The following C11orf58 variants were observed in gnomAD, a reference collection of about 807,000 sequenced individuals.
C11orf58 encodes chromosome 11 open reading frame 58, also known as small acidic protein.
C11orf58 carries 5 observed loss-of-function variants against 22.7 expected under a neutral mutation model. That is an observed-to-expected ratio of 0.22 (90% CI 0.12 to 0.46). The LOEUF (loss-of-function observed/expected upper bound fraction) is 0.46. Among genes scored for constraint, C11orf58 ranks in the 20% least tolerant of loss-of-function variants. The pLI, the probability that C11orf58 is intolerant of heterozygous loss-of-function variation, is 0.99. For missense variants in C11orf58, 151 were observed against 223.3 expected, an observed-to-expected ratio of 0.68 and a Z score of 2.06; for synonymous variants, 71 against 70.7, an observed-to-expected ratio of 1.00 and a Z score of -0.02.
In C11orf58 at chr11:16,738,695, C is replaced by T. The variant is rs1848416104; in HGVS notation, c.-84C>T. ...CGTTCTGTAGTGGCGCTGCTTGGGC[C>T]CTTGGCGGATTGTAAGCTGCTGGTT... On this transcript the variant is annotated 5_prime_UTR_variant, in exon 1 of 5. Transcript: ENST00000228136. 2.7e-6 allele frequency: 4 copies of T among 1,457,614 alleles called. No homozygotes were observed. Among genetic ancestry groups the T allele is most frequent in the Non-Finnish European group, 3.8e-6 (4 of 1,040,312 alleles). 90.3% of individuals were successfully genotyped at this position (1,457,614 alleles called of 1,614,324 possible).
chr11:16,752,949 T>C (rs1848545417), intron 4 of C11orf58, 55 bp downstream of exon 4: 1 of 1,342,682 alleles, frequency 7.4e-7, no homozygotes, highest in Non-Finnish European at 1.1e-6. Flanking sequence ...TTTGGTACCA[T>C]TTATTGCTGT....
chr11:16,752,826 T>C lies in C11orf58; in HGVS notation c.250T>C (p.Tyr84His). Residue 84 changes from tyrosine (Y) to histidine (H), a missense_variant, in exon 4 of 5, where the codon TAT becomes CAT. This residue lies in a region of C11orf58 where 112 missense variants were observed against 162.6 expected (regional missense o/e 0.69). Transcript: ENST00000228136. ...AATTAATGAAGAACTGGAGTCTCAA[T>C]ATCAGCAAAGTATGGACAGTAAATT... ...KKINEELESQ[Y>H]QQSMDSKLSG... 6.2e-7 allele frequency: 1 copy of C among 1,613,284 alleles called. No homozygotes were observed. Among genetic ancestry groups the C allele is most frequent in the Non-Finnish European group, 8.5e-7 (1 of 1,179,752 alleles).
intron 1 of C11orf58, among the ~76,000 whole-genome samples, chr11:16,742,160 A>T (rs1396374951): frequency 6.6e-6 from 1 of 152,254 alleles, no homozygotes; most frequent in Non-Finnish European, 1.5e-5. Context: ...ATGTTTTTTA[A>T]TAGAAGCAGA....
Position 16,752,864 on chromosome 11 carries a change from T to C in C11orf58, c.288T>C (p.Tyr96=). 1.9e-6 allele frequency: 3 copies of C among 1,611,584 alleles called. No individual in the cohort carries two copies. The highest frequency in any genetic ancestry group is 2.5e-6 in the Non-Finnish European group (3 of 1,179,020). Residue 96 remains tyrosine, a synonymous_variant, in exon 4 of 5, where the codon TAT becomes TAC. Coordinates refer to ENST00000228136, the MANE Select transcript of C11orf58 (RefSeq NM_014267.6). ...QSMDSKLSGR[Y]RRHCGLGFSE... ...TGGACAGTAAATTATCAGGAAGATA[T>C]CGGCGACATTGTGGACTTGGCTTCA...
chr11:16,745,551 AT>A (rs768911254), intron 2 of C11orf58, among the ~76,000 whole-genome samples: 2 of 152,236 alleles, frequency 1.3e-5, no homozygotes, highest in Non-Finnish European at 2.9e-5. Flanking sequence ...GAAGTGGATT[AT>A]CATAAAGGTC....
At position 16,738,793 on chromosome 11, in the gene C11orf58, A is replaced by G; in HGVS notation, c.15A>G (p.Arg5=). 1 of 1,613,768 alleles carries G rather than the reference A, an allele frequency of 6.2e-7. No homozygotes were observed. Among genetic ancestry groups the G allele is most frequent in the Non-Finnish European group, 8.5e-7 (1 of 1,179,932 alleles). MSAA[R]ESHPHGVKRS... is the part of the protein sequence containing the mutation. ...TCCCCGCAAGGATGAGTGCTGCCAG[A>G]GAGTCTCACCCGCATGGGGTGAAGC... Residue 5 remains arginine, a synonymous_variant, in exon 1 of 5, where the codon AGA becomes AGG. Coordinates refer to ENST00000228136, the MANE Select transcript of C11orf58 (RefSeq NM_014267.6).
intron 1 of C11orf58, among the ~76,000 whole-genome samples, chr11:16,741,799 T>C (rs1457342698): frequency 6.6e-6 from 1 of 152,176 alleles, no homozygotes; most frequent in Non-Finnish European, 1.5e-5. Flanking sequence ...TCTGTCATTG[T>C]CTCCCATTAC....
At chr11:16,740,728 T>TA (rs371437582) in intron 1 of C11orf58, among the ~76,000 whole-genome samples, 2 of 146,386 alleles carry the variant, frequency 1.4e-5, no homozygotes, top group Admixed American at 6.8e-5. Flanking sequence ...AGCCAGTACT[T>TA]AAAAAAAAAA....
chr11:16,740,116 G>A (rs1232743144), intron 1 of C11orf58, among the ~76,000 whole-genome samples: 2 of 152,098 alleles, frequency 1.3e-5, no homozygotes, highest in Non-Finnish European at 1.5e-5. Context: ...GGTAATTCAG[G>A]TTTTGTCAGG....
chr11:16,739,135 T>TG (rs1848422325), intron 1 of C11orf58, among the ~76,000 whole-genome samples: 3 of 151,982 alleles, frequency 2.0e-5, no homozygotes, highest in South Asian at 4.2e-4. Context: ...ACGTGCGTTT[T>TG]GGGGGGCCGA....
chr11:16,748,573 T>C (rs375061619), intron 3 of C11orf58: 1 of 107,346 alleles, frequency 9.3e-6, no homozygotes, highest in Non-Finnish European at 1.8e-5. Context: ...GTGTCTCTAC[T>C]AAAAAAAAAA....
chr11:16,755,091 C>A lies in C11orf58; in HGVS notation c.539C>A (p.Ser180Tyr). 1 of 1,613,890 alleles carries A rather than the reference C, an allele frequency of 6.2e-7. No individual in the cohort carries two copies. Among genetic ancestry groups the A allele is most frequent in the South Asian group, 1.1e-5 (1 of 91,038 alleles). The change falls in exon 5 of 5, where the codon TCC (serine) becomes TAC (tyrosine). Residue 180 changes from serine to tyrosine, a missense_variant. By Grantham distance (144) the Ser-to-Tyr change is moderately radical. Around this residue, in one of 3 missense-constraint regions of C11orf58, gnomAD observed 112 missense variants for 162.6 expected, o/e 0.69. Coordinates refer to ENST00000228136, the MANE Select transcript of C11orf58 (RefSeq NM_014267.6). The part of the protein sequence containing the change: ...KSNYKMMFVK[S>Y]SGS ...AATTATAAAATGATGTTTGTTAAATCCAGTGGTTCATAACTCCCAAACGCT... is the reference window on the plus strand; with the variant it reads ...AATTATAAAATGATGTTTGTTAAATACAGTGGTTCATAACTCCCAAACGCT...
chr11:16,753,971 G>A (rs1479086425), intron 4 of C11orf58: 2 of 530,116 alleles, frequency 3.8e-6, no homozygotes, highest in South Asian at 2.6e-5. Flanking sequence ...TGGAACTACA[G>A]GTGTGAGCCA....
chr11:16,752,903 T>C lies in C11orf58; in HGVS notation c.318+9T>C, dbSNP rs377425832. On this transcript the variant is annotated intron_variant, in intron 4 of 4. Coordinates refer to ENST00000228136, the MANE Select transcript of C11orf58 (RefSeq NM_014267.6). ...GACTTGGCTTCAGTGAGGTAGTAAT[T>C]AACTTATTTTCATTGGGAAGATAAT... 75 of 1,581,282 alleles carry C rather than the reference T, an allele frequency of 4.7e-5. No homozygotes were observed. Among genetic ancestry groups the C allele is most frequent in the Non-Finnish European group, 6.4e-5 (74 of 1,155,178 alleles).
chr11:16,744,328 T>C (rs1210057523), intron 1 of C11orf58: 2 of 345,988 alleles, frequency 5.8e-6, no homozygotes, highest in African/African-American at 2.1e-5. Context: ...CCCTGCAGTC[T>C]GTTTTAACAA....
At chr11:16,741,411 A>G (rs1423388217) in intron 1 of C11orf58, among the ~76,000 whole-genome samples, 2 of 152,216 alleles carry the variant, frequency 1.3e-5, no homozygotes, top group Admixed American at 6.5e-5. Context: ...CTTGGAGTGG[A>G]GAAATGAAAG....
At chr11:16,754,475 C>T (rs886175693) in intron 4 of C11orf58, among the ~76,000 whole-genome samples, 2 of 147,222 alleles carry the variant, frequency 1.4e-5, no homozygotes, top group Non-Finnish European at 3.0e-5. Flanking sequence ...GAACTACAGG[C>T]ATGCACCACC....
chr11:16,738,959 A>G, intron 1 of C11orf58, 118 bp downstream of exon 1: 3 of 1,065,168 alleles, frequency 2.8e-6, no homozygotes, highest in South Asian at 1.3e-5. Flanking sequence ...AGCCCAGGGA[A>G]GAAACCAGAA....
At chr11:16,751,969 C>G (rs912488927) in intron 3 of C11orf58, 1 of 152,142 alleles carries the variant, frequency 6.6e-6, no homozygotes, top group Non-Finnish European at 1.5e-5. Flanking sequence ...GAGATTGCCA[C>G]GAAAGCACTG....
Sources: gnomAD v4.1 joint callset for allele counts (sites outside exome capture counted in the v4.1 genomes callset) on GRCh38, gnomAD v4.1.1 for gene constraint, gnomAD v4.1.1 regional missense constraint, MANE v1.5 for transcripts, NCBI Gene and HGNC (gene_info 2026-07-23, HGNC 2026-07-21) for gene names.